The following SMIM19 variants were observed in gnomAD, a reference collection of about 807,000 sequenced individuals.
The protein encoded by SMIM19 is small integral membrane protein 19.
In SMIM19, 6 loss-of-function variants were observed where a neutral mutation model predicts 13.2. The observed-to-expected ratio is 0.45, with a 90% CI of 0.25 to 0.90. The LOEUF (loss-of-function observed/expected upper bound fraction) is 0.90. Among genes scored for constraint, SMIM19 ranks in the 40% least tolerant of loss-of-function variants. SMIM19 has a pLI of 0.19. For missense variants in SMIM19, 138 were observed against 131.0 expected, an observed-to-expected ratio of 1.05 and a Z score of -0.26; for synonymous variants, 46 against 43.1, an observed-to-expected ratio of 1.07 and a Z score of -0.27.
chr8:42,550,249 C>A (rs1027784213), intron 3 of SMIM19, among the ~76,000 whole-genome samples: 1 of 152,110 alleles, frequency 6.6e-6, no homozygotes, highest in Non-Finnish European at 1.5e-5. Flanking sequence ...CAGTTTATTT[C>A]TTTTTTGATG....
chr8:42,546,341 C>T (rs1289745190), intron 1 of SMIM19, 128 bp from the exon 2 acceptor site: 6 of 1,076,218 alleles, frequency 5.6e-6, no homozygotes, highest in Non-Finnish European at 7.5e-6. Context: ...CCATTCTTGG[C>T]TCATGGGCCG....
rs570331085 is a variant in SMIM19, at chr8:42,543,972, C to A, written c.-5+1599C>A. On this transcript the variant is annotated intron_variant, in intron 1 of 3. Transcript: ENST00000417410. Reference sequence around the variant, plus strand: ...TTTGGCACCAACGAAGTTTGAGATTCCATAAATTATAAAGACAGTTATAGT... The same window carrying A: ...TTTGGCACCAACGAAGTTTGAGATTACATAAATTATAAAGACAGTTATAGT... 2.6e-5 allele frequency among the ~76,000 whole-genome samples: 4 copies of A among 152,262 alleles called. No individual in the cohort carries two copies. In the South Asian group the frequency reaches 8.3e-4, roughly 32 times the overall value.
intron 1 of SMIM19, among the ~76,000 whole-genome samples, chr8:42,546,037 G>A (rs1419065758): frequency 6.6e-6 from 1 of 152,130 alleles, no homozygotes; most frequent in Non-Finnish European, 1.5e-5. Flanking sequence ...GGAGATTGGT[G>A]CCAGGACCCC....
At position 42,546,403 on chromosome 8, in the gene SMIM19, A is replaced by G. The variant is rs554537851; in HGVS notation, c.-4-66A>G. 2.7e-5 allele frequency: 40 copies of G among 1,501,230 alleles called. 1 individual carries two copies. Among genetic ancestry groups the G allele is most frequent in the Middle Eastern group, 3.6e-4 (2 of 5,592 alleles). 93.0% of individuals were successfully genotyped at this position (1,501,230 alleles called of 1,614,324 possible). ...TGGCCAGCAGGCCATATGTTTGCCA[A>G]CCCTTCTCCAGACAGTGCTACCATC... On this transcript the variant is annotated intron_variant, in intron 1 of 3. Coordinates refer to ENST00000417410, the MANE Select transcript of SMIM19 (RefSeq NM_001135674.2).
chr8:42,546,273 C>T (rs934927470), intron 1 of SMIM19, among the ~76,000 whole-genome samples, 196 bp from the exon 2 acceptor site: 25 of 152,306 alleles, frequency 1.6e-4, no homozygotes, highest in African/African-American at 5.5e-4. Context: ...GATGCAGAAC[C>T]GTCAGATAGA....
At chr8:42,548,179 A>G (rs1160448501) in intron 2 of SMIM19, among the ~76,000 whole-genome samples, 3 of 152,230 alleles carry the variant, frequency 2.0e-5, no homozygotes, top group Non-Finnish European at 4.4e-5. Context: ...AAGCAGAGGC[A>G]CGCTGTTCTT....
intron 2 of SMIM19, 124 bp downstream of exon 2, chr8:42,546,730 A>G: frequency 8.4e-7 from 1 of 1,196,216 alleles, no homozygotes. Context: ...CACACCTGTA[A>G]TCCCAGCACT....
chr8:42,545,748 C>G (rs570665430), intron 1 of SMIM19, among the ~76,000 whole-genome samples: 1 of 152,306 alleles, frequency 6.6e-6, no homozygotes, highest in East Asian at 1.9e-4. Context: ...CCAGGCTGGT[C>G]TTGAACTCCT....
chr8:42,549,330 C>G (rs533512660), intron 3 of SMIM19, among the ~76,000 whole-genome samples: 1 of 151,486 alleles, frequency 6.6e-6, no homozygotes, highest in Admixed American at 6.6e-5. Flanking sequence ...GAGAATCGCT[C>G]GAACCTGGGA....
At chr8:42,549,187 G>A (rs1339287785) in intron 3 of SMIM19, among the ~76,000 whole-genome samples, 1 of 152,182 alleles carries the variant, frequency 6.6e-6, no homozygotes, top group Non-Finnish European at 1.5e-5. Flanking sequence ...GCTGAGGTGG[G>A]TGGATCACAA....
intron 1 of SMIM19, among the ~76,000 whole-genome samples, chr8:42,544,414 G>GAA (rs200306298): frequency 6.8e-5 from 8 of 118,434 alleles, no homozygotes; most frequent in African/African-American, 9.4e-5. Flanking sequence ...CTGTCTCAGG[G>GAA]AAAAAAAAAA....
At chr8:42,544,647 C>T (rs1053276404) in intron 1 of SMIM19, among the ~76,000 whole-genome samples, 3 of 152,170 alleles carry the variant, frequency 2.0e-5, no homozygotes, top group African/African-American at 7.2e-5. Context: ...TTAGTCAAAT[C>T]ACTCCTGCCC....
chr8:42,543,599 G>C (rs1441477744), intron 1 of SMIM19, among the ~76,000 whole-genome samples: 1 of 152,150 alleles, frequency 6.6e-6, no homozygotes, highest in African/African-American at 2.4e-5. Context: ...GCATATTTGG[G>C]GCAGGAGGAA....
chr8:42,549,569 TG>T (rs1210060067), intron 3 of SMIM19, among the ~76,000 whole-genome samples: 1 of 152,072 alleles, frequency 6.6e-6, no homozygotes, highest in Non-Finnish European at 1.5e-5. Context: ...GGTGGTTGCC[TG>T]GGGCTATGGA....
Position 42,548,710 on chromosome 8 carries a change from G to C in SMIM19, c.189G>C (p.Leu63Phe). The C allele has an allele frequency of 6.2e-7, 1 of 1,613,908 alleles. No individual in the cohort carries two copies. Among genetic ancestry groups the C allele is most frequent in the Non-Finnish European group, 8.5e-7 (1 of 1,179,928 alleles). ...IFSVPPTEET[L>F]SEPNFYDTIS... ...GTGTGCCACCTACAGAGGAAACTTT[G>C]TCAGAGCCCAACTTTTATGACACGA... The change falls in exon 3 of 4, where the codon TTG (leucine) becomes TTC (phenylalanine). Residue 63 changes from leucine to phenylalanine, a missense_variant. By Grantham distance (22) the Leu-to-Phe change is conservative. Coordinates refer to ENST00000417410, the MANE Select transcript of SMIM19 (RefSeq NM_001135674.2).
intron 1 of SMIM19, among the ~76,000 whole-genome samples, chr8:42,545,562 G>A (rs918912233): frequency 6.6e-6 from 1 of 152,244 alleles, no homozygotes; most frequent in East Asian, 1.9e-4. Flanking sequence ...ATGGAGTCCC[G>A]CTCTGTCACC....
rs34865059 is a variant in SMIM19 at position 42,548,147 on chromosome 8, C to T, written c.135-509C>T. Reference sequence around the variant, plus strand: ...GCTTTCCTCTAAAAACAGCCACCGCCGCCTCCCCATGTTTCTTTTAAAAGC... The same window carrying T: ...GCTTTCCTCTAAAAACAGCCACCGCTGCCTCCCCATGTTTCTTTTAAAAGC... On this transcript the variant is annotated intron_variant, in intron 2 of 3. Transcript: ENST00000417410. 9.1e-4 allele frequency among the ~76,000 whole-genome samples: 138 copies of T among 152,264 alleles called. 1 individual carries two copies. The highest frequency in any genetic ancestry group is 1.6e-3 in the Admixed American group (24 of 15,298).
At chr8:42,547,363 A>AG (rs1723588596) in intron 2 of SMIM19, among the ~76,000 whole-genome samples, 1 of 151,802 alleles carries the variant, frequency 6.6e-6, no homozygotes, top group Admixed American at 6.6e-5. Flanking sequence ...TCTCAAAAAA[A>AG]AAAAAGAAAA....
chr8:42,543,714 T>C (rs1268249654), intron 1 of SMIM19, among the ~76,000 whole-genome samples: 2 of 152,214 alleles, frequency 1.3e-5, no homozygotes, highest in African/African-American at 4.8e-5. Flanking sequence ...CATTTTGTCA[T>C]TAGAAAATAG....
Sources: gnomAD v4.1 joint callset for allele counts (sites outside exome capture counted in the v4.1 genomes callset) on GRCh38, gnomAD v4.1.1 for gene constraint, MANE v1.5 for transcripts, NCBI Gene and HGNC (gene_info 2026-07-23, HGNC 2026-07-21) for gene names.